Variants in RARB observed in about 807,000 individuals in gnomAD.
RARB encodes retinoic acid receptor beta.
Under a neutral mutation model 51.9 loss-of-function variants are expected in RARB, and 17 were observed. The observed-to-expected ratio is 0.33, with a 90% CI of 0.22 to 0.49. The LOEUF is 0.49. Ranked by LOEUF, RARB falls within the 20% of genes least tolerant of loss-of-function variation. The probability of loss-of-function intolerance (pLI) is 0.99; values close to 1 mark genes in which losing one functional copy is unlikely to be tolerated. For missense variants in RARB, 369 were observed against 550.8 expected (o/e 0.67, Z 3.30); for synonymous variants, 215 against 195.4 (o/e 1.10, Z -0.84).
In RARB at chr3:25,222,496, T is replaced by C. The variant is rs149013242; in HGVS notation, c.178+47921T>C. ...ATTTCTATATGATTCATAGCTGATA[T>C]AATTCTCAAATAGATTAAAAAAACT... On this transcript the variant is annotated intron_variant, in intron 5 of 11. Coordinates refer to the RARB transcript ENST00000383772. Among the ~76,000 whole-genome samples the C allele has an allele frequency of 7.0e-3, 1,066 of 152,188 alleles. 6 individuals are homozygous for C. Among genetic ancestry groups the C allele is most frequent in the Middle Eastern group, 0.024 (7 of 294 alleles).
intron 4 of RARB, among the ~76,000 whole-genome samples, chr3:25,133,847 G>C (rs1699991471): frequency 6.7e-6 from 1 of 149,334 alleles, no homozygotes; most frequent in African/African-American, 2.5e-5. Context: ...AAGGATTTAA[G>C]AAAAATGAGT....
rs150781336 is a variant in RARB at position 25,392,732 on chromosome 3, T to G, written c.179-68461T>G. Among the ~76,000 whole-genome samples the G allele has an allele frequency of 2.6e-5, 4 of 152,298 alleles. No individual in the cohort carries two copies. In the East Asian group the frequency reaches 5.8e-4, roughly 22 times the overall value. On this transcript the variant is annotated intron_variant, in intron 5 of 11. Coordinates refer to the RARB transcript ENST00000383772. ...AGCAGTGCTACTGATTTGTGTACAT[T>G]GATTTTGTATCCCAAAACTTTACAG...
chr3:24,857,011 C>T (rs1200399585), intron 1 of RARB, among the ~76,000 whole-genome samples: 2 of 152,076 alleles, frequency 1.3e-5, no homozygotes, highest in African/African-American at 4.8e-5. Context: ...CTAAGCTGCA[C>T]CTGATAGTTC....
chr3:25,076,180 C>A (rs1443953837), intron 3 of RARB, among the ~76,000 whole-genome samples: 1 of 151,230 alleles, frequency 6.6e-6, no homozygotes, highest in Admixed American at 6.6e-5. Flanking sequence ...CTCTCTCTGT[C>A]GCCCAGGCTG....
At chr3:25,441,991 T>G (rs1355328753) in intron 1 of RARB, among the ~76,000 whole-genome samples, 4 of 152,214 alleles carry the variant, frequency 2.6e-5, no homozygotes, top group Middle Eastern at 3.2e-3. Context: ...CAATGAAGTT[T>G]CCAATGATGG....
At chr3:25,307,424 C>A (rs974320775) in intron 5 of RARB, among the ~76,000 whole-genome samples, 5 of 151,800 alleles carry the variant, frequency 3.3e-5, no homozygotes, top group African/African-American at 1.2e-4. Context: ...CATGTAAGTT[C>A]TTGGCATAGT....
intron 3 of RARB, among the ~76,000 whole-genome samples, chr3:25,121,183 C>T (rs1037486298): frequency 2.0e-5 from 3 of 152,058 alleles, no homozygotes; most frequent in African/African-American, 7.2e-5. Context: ...ACTTAAGTCT[C>T]AAAGGGGAGG....
chr3:25,054,778 T>A (rs542583347), intron 2 of RARB, among the ~76,000 whole-genome samples: 2 of 152,270 alleles, frequency 1.3e-5, no homozygotes, highest in African/African-American at 4.8e-5. Context: ...CTTTGGAATC[T>A]GAAAAGAAAA....
intron 5 of RARB, among the ~76,000 whole-genome samples, chr3:25,343,720 G>A (rs1303724067): frequency 2.6e-5 from 4 of 152,016 alleles, no homozygotes; most frequent in Non-Finnish European, 4.4e-5. Context: ...CTTCAAGTCC[G>A]TATTTAACTA....
chr3:25,565,688 T>C (rs896154240), intron 3 of RARB, among the ~76,000 whole-genome samples: 2 of 152,218 alleles, frequency 1.3e-5, no homozygotes, highest in Non-Finnish European at 2.9e-5. Flanking sequence ...CCTCTGCCAC[T>C]GACAGCCACA....
chr3:25,510,048 A>G (rs1462010097), intron 3 of RARB, among the ~76,000 whole-genome samples: 2 of 152,182 alleles, frequency 1.3e-5, no homozygotes, highest in Non-Finnish European at 2.9e-5. Flanking sequence ...GTGGTAGTTC[A>G]TGGTCATGAG....
chr3:24,869,023 G>A (rs1444897065), intron 2 of RARB, among the ~76,000 whole-genome samples: 3 of 152,064 alleles, frequency 2.0e-5, no homozygotes, highest in Non-Finnish European at 2.9e-5. Context: ...CTCATGTTTG[G>A]CTCAGAATAA....
chr3:24,964,317 C>T (rs1392016872), intron 2 of RARB, among the ~76,000 whole-genome samples: 1 of 152,156 alleles, frequency 6.6e-6, no homozygotes, highest in Non-Finnish European at 1.5e-5. Context: ...AAATAGGAAT[C>T]TGTTCATTGC....
intron 3 of RARB, among the ~76,000 whole-genome samples, chr3:25,541,689 G>T (rs532359548): frequency 1.2e-4 from 18 of 152,170 alleles, no homozygotes; most frequent in Non-Finnish European, 1.9e-4. Context: ...CTTCTTTCTA[G>T]TCCATTGGCC....
intron 5 of RARB, among the ~76,000 whole-genome samples, chr3:25,328,686 G>A (rs1275769673): frequency 2.0e-5 from 3 of 152,170 alleles, no homozygotes; most frequent in Non-Finnish European, 2.9e-5. Context: ...GTCAGACAGT[G>A]GGTGCAGCCC....
intron 5 of RARB, among the ~76,000 whole-genome samples, chr3:25,208,278 A>T (rs1701606181): frequency 6.6e-6 from 1 of 152,166 alleles, no homozygotes; most frequent in African/African-American, 2.4e-5. Context: ...GGATCCAAGG[A>T]TTTCAGTTTC....
Position 25,336,599 on chromosome 3 carries a change from A to G in RARB, c.179-124594A>G, listed in dbSNP as rs150196979. 1.3e-4 allele frequency among the ~76,000 whole-genome samples: 20 copies of G among 152,254 alleles called. No individual in the cohort carries two copies. The East Asian group carries it at 3.9e-3, about 29-fold the overall frequency. Reference sequence around the variant, plus strand: ...ATAAGTATTTCAGCTTTGGAGCGGGATAAGGAGGGATGTTCCTTCCTCTCT... The same window carrying G: ...ATAAGTATTTCAGCTTTGGAGCGGGGTAAGGAGGGATGTTCCTTCCTCTCT... On this transcript the variant is annotated intron_variant, in intron 5 of 11. Transcript: ENST00000383772.
intron 5 of RARB, among the ~76,000 whole-genome samples, chr3:25,585,774 G>A (rs115871132): frequency 0.011 from 1,634 of 152,300 alleles, 34 homozygotes; most frequent in African/African-American, 0.038. Flanking sequence ...TGGAACTTCA[G>A]AAGCGGGACT....
At chr3:25,320,600 T>C (rs1168518739) in intron 5 of RARB, among the ~76,000 whole-genome samples, 1 of 152,238 alleles carries the variant, frequency 6.6e-6, no homozygotes, top group Non-Finnish European at 1.5e-5. Flanking sequence ...AAATATTTAC[T>C]TTATTATTGC....
Sources: allele counts gnomAD v4.1 joint callset (sites outside exome capture counted in the v4.1 genomes callset), GRCh38; gene constraint gnomAD v4.1.1; transcripts MANE v1.5; gene names NCBI Gene and HGNC (gene_info 2026-07-23, HGNC 2026-07-21).